Variants in KIF26B observed in about 807,000 individuals in gnomAD.
KIF26B encodes the protein kinesin family member 26B, also known as kinesin-like protein KIF26B.
KIF26B carries 63 observed loss-of-function variants against 151.2 expected under a neutral mutation model. The ratio of observed to expected loss-of-function variants is 0.42; its 90% confidence interval spans 0.34 to 0.51. The LOEUF (loss-of-function observed/expected upper bound fraction) is 0.51, where lower values mean the gene tolerates loss of function less well. Ranked by LOEUF, KIF26B falls within the 20% of genes least tolerant of loss-of-function variation. The pLI is 0.07. For missense variants in KIF26B, 2,813 were observed against 2,913.6 expected (o/e 0.97, Z 0.79); for synonymous variants, 1,357 against 1,262.1 (o/e 1.08, Z -1.59).
chr1:245,464,539 G>T (rs1486061523), intron 4 of KIF26B, among the ~76,000 whole-genome samples: 1 of 149,960 alleles, frequency 6.7e-6, no homozygotes, highest in Non-Finnish European at 1.5e-5. Context: ...ATGTGTGTGG[G>T]TGTGCGTGGG....
chr1:245,665,877 G>GTT (rs1193888315), intron 10 of KIF26B, among the ~76,000 whole-genome samples: 2 of 151,614 alleles, frequency 1.3e-5, no homozygotes, highest in African/African-American at 4.8e-5. Flanking sequence ...TAGAGCTGGG[G>GTT]TTTCACCATG....
intron 4 of KIF26B, among the ~76,000 whole-genome samples, chr1:245,519,421 G>A (rs1331795352): frequency 6.6e-6 from 1 of 152,120 alleles, no homozygotes; most frequent in Non-Finnish European, 1.5e-5. Context: ...AGGTGTGATG[G>A]TGGGTGCCTG....
At chr1:245,284,865 C>A (rs987185509) in intron 2 of KIF26B, among the ~76,000 whole-genome samples, 1 of 151,982 alleles carries the variant, frequency 6.6e-6, no homozygotes, top group Non-Finnish European at 1.5e-5. Context: ...ATGGAGAAAA[C>A]CCCGTCTCTA....
At position 245,225,457 on chromosome 1, in the gene KIF26B, G is replaced by A. The variant is rs1244989449; in HGVS notation, c.465+68774G>A. On this transcript the variant is annotated intron_variant, in intron 2 of 14. Coordinates refer to ENST00000407071, the MANE Select transcript of KIF26B (RefSeq NM_018012.4). ...AGCAGTCGATGGCCCTCTGCAGGAGGGCTGATGGAGAAAACATGCGTCGGA... is the reference window on the plus strand; with the variant it reads ...AGCAGTCGATGGCCCTCTGCAGGAGAGCTGATGGAGAAAACATGCGTCGGA... Among the ~76,000 whole-genome samples, 3 of 152,228 alleles carry A rather than the reference G, an allele frequency of 2.0e-5. No homozygotes were observed. The South Asian group carries it at 6.2e-4, about 32-fold the overall frequency.
rs190448580 is a variant in KIF26B, at chr1:245,422,166, A to G, written c.1166+2421A>G. Reference sequence around the variant, plus strand: ...TACTTTCTGTGCAGTGAACGCTGATAGTACTTGGAGCTTCATGGTATAAGC... The same window carrying G: ...TACTTTCTGTGCAGTGAACGCTGATGGTACTTGGAGCTTCATGGTATAAGC... On this transcript the variant is annotated intron_variant, in intron 4 of 14. Transcript: ENST00000407071. Among the ~76,000 whole-genome samples, 235 of 152,306 alleles carry G rather than the reference A, an allele frequency of 1.5e-3. 2 individuals carry two copies. The highest frequency in any genetic ancestry group is 2.4e-3 in the Non-Finnish European group (162 of 68,022).
chr1:245,193,385 G>A (rs1354810455), intron 2 of KIF26B, among the ~76,000 whole-genome samples: 1 of 152,118 alleles, frequency 6.6e-6, no homozygotes, highest in African/African-American at 2.4e-5. Flanking sequence ...TGTTCCTTTG[G>A]TACTTGACTT....
chr1:245,429,448 T>C lies in KIF26B; in HGVS notation c.1166+9703T>C, dbSNP rs546040003. On this transcript the variant is annotated intron_variant, in intron 4 of 14. Coordinates refer to ENST00000407071, the MANE Select transcript of KIF26B (RefSeq NM_018012.4). ...ACCTACAGAAGGAGCTGAAGAGCAA[T>C]TCGCCCTTAAATCTCACCTGTTACG... 2.6e-5 allele frequency among the ~76,000 whole-genome samples: 4 copies of C among 152,278 alleles called. No homozygotes were observed. In the South Asian group the frequency reaches 8.3e-4, roughly 32 times the overall value.
chr1:245,175,966 A>C (rs535486655), intron 2 of KIF26B, among the ~76,000 whole-genome samples: 4 of 145,660 alleles, frequency 2.7e-5, no homozygotes, highest in South Asian at 2.1e-4. Flanking sequence ...ATATCTATAT[A>C]TATAGACATC....
intron 5 of KIF26B, among the ~76,000 whole-genome samples, chr1:245,569,461 T>TC (rs2043043024): frequency 6.6e-6 from 1 of 151,860 alleles, no homozygotes; most frequent in Admixed American, 6.6e-5. Flanking sequence ...TACAAAAAAA[T>TC]TAGCCGGGCA....
At chr1:245,663,266 T>A (rs988718524) in intron 10 of KIF26B, among the ~76,000 whole-genome samples, 4 of 106,900 alleles carry the variant, frequency 3.7e-5, no homozygotes, top group African/African-American at 1.4e-4. Flanking sequence ...TGTTACCCAG[T>A]ATCAGAAACC....
At position 245,672,753 on chromosome 1, in the gene KIF26B, C is replaced by T. The variant is rs80144999; in HGVS notation, c.2259-11480C>T. Among the ~76,000 whole-genome samples, 667 of 152,160 alleles carry T rather than the reference C, an allele frequency of 4.4e-3. 5 individuals carry two copies. Among genetic ancestry groups the T allele is most frequent in the African/African-American group, 0.014 (601 of 41,506 alleles). On this transcript the variant is annotated intron_variant, in intron 10 of 14. Coordinates refer to ENST00000407071, the MANE Select transcript of KIF26B (RefSeq NM_018012.4). Reference sequence around the variant, plus strand: ...ATTGTAATCTAGTATAATTACCAAGCCTAGACCTTTACCTAGTCCTATTTA... The same window carrying T: ...ATTGTAATCTAGTATAATTACCAAGTCTAGACCTTTACCTAGTCCTATTTA...
intron 2 of KIF26B, among the ~76,000 whole-genome samples, chr1:245,347,998 T>C (rs1672488332): frequency 6.6e-6 from 1 of 152,230 alleles, no homozygotes; most frequent in Non-Finnish European, 1.5e-5. Context: ...AGAATTTACC[T>C]TCTATGCCAT....
At chr1:245,369,361 T>A (rs188312257) in intron 3 of KIF26B, among the ~76,000 whole-genome samples, 44 of 152,132 alleles carry the variant, frequency 2.9e-4, no homozygotes, top group Admixed American at 1.7e-3. Flanking sequence ...GTGGAGTGAG[T>A]TAAATGTGGT....
chr1:245,429,113 G>C lies in KIF26B; in HGVS notation c.1166+9368G>C, dbSNP rs192814611. On this transcript the variant is annotated intron_variant, in intron 4 of 14. Transcript: ENST00000407071. ...GAGGCAAGTAACTTAACCTTGCTAA[G>C]CTTCCGTTGCTTCTGTTCAATGGAG... 3.9e-3 allele frequency among the ~76,000 whole-genome samples: 599 copies of C among 152,266 alleles called. 4 individuals carry two copies. Among genetic ancestry groups the C allele is most frequent in the Non-Finnish European group, 5.6e-3 (380 of 68,028 alleles).
At chr1:245,374,136 T>C (rs866232158) in intron 3 of KIF26B, among the ~76,000 whole-genome samples, 93 of 84,062 alleles carry the variant, frequency 1.1e-3, no homozygotes, top group African/African-American at 3.6e-3. Flanking sequence ...TATATATATA[T>C]ATGGGCACAA....
chr1:245,348,047 C>G (rs1387226286), intron 2 of KIF26B, among the ~76,000 whole-genome samples: 1 of 152,216 alleles, frequency 6.6e-6, no homozygotes, highest in Non-Finnish European at 1.5e-5. Flanking sequence ...CCTCATTTTA[C>G]TTGATCTATC....
At chr1:245,624,505 T>G (rs1038419864) in intron 9 of KIF26B, among the ~76,000 whole-genome samples, 8 of 152,236 alleles carry the variant, frequency 5.3e-5, no homozygotes, top group African/African-American at 9.6e-5. Flanking sequence ...TGCACTTCGC[T>G]AATGACCAAT....
In KIF26B at chr1:245,375,595, A is replaced by C. The variant is rs1239149997; in HGVS notation, c.999+8228A>C. On this transcript the variant is annotated intron_variant, in intron 3 of 14. Transcript: ENST00000407071. This position sits in a 1 kb window ranked among gnomAD's most constrained non-coding sequence, Gnocchi z 4.2. ...GATTCTCCCCTAGAGCCTCCAGAAGAAGCCAGCCCTGCAGGGCCATTTTTG... is the reference window on the plus strand; with the variant it reads ...GATTCTCCCCTAGAGCCTCCAGAAGCAGCCAGCCCTGCAGGGCCATTTTTG... Among the ~76,000 whole-genome samples the C allele has an allele frequency of 6.6e-6, 1 of 152,098 alleles. No homozygotes were observed. The highest frequency in any genetic ancestry group is 2.4e-5 in the African/African-American group (1 of 41,430).
intron 2 of KIF26B, among the ~76,000 whole-genome samples, chr1:245,299,135 C>T (rs914628017): frequency 2.0e-5 from 3 of 152,190 alleles, no homozygotes; most frequent in Non-Finnish European, 4.4e-5. Flanking sequence ...AACGCTCATT[C>T]CCAGAGCTCA....
Sources: gnomAD v4.1 joint callset for allele counts (sites outside exome capture counted in the v4.1 genomes callset) on GRCh38, gnomAD v4.1.1 for gene constraint, Gnocchi (gnomAD v3.1) non-coding constraint, MANE v1.5 for transcripts, NCBI Gene and HGNC (gene_info 2026-07-23, HGNC 2026-07-21) for gene names.